Variants in FAM110B observed in about 807,000 individuals in gnomAD.
FAM110B encodes protein FAM110B.
In FAM110B, 6 loss-of-function variants were observed where a neutral mutation model predicts 20.4. The ratio of observed to expected loss-of-function variants is 0.29; its 90% CI spans 0.16 to 0.58. The LOEUF (loss-of-function observed/expected upper bound fraction) is 0.58. FAM110B is among the 20% of genes least tolerant of loss of function. The pLI, the probability that FAM110B is intolerant of heterozygous loss-of-function variation, is 0.90. For missense variants in FAM110B, 434 were observed against 498.2 expected, an observed-to-expected ratio of 0.87 and a Z score of 1.23; for synonymous variants, 226 against 214.1, an observed-to-expected ratio of 1.06 and a Z score of -0.49.
At chr8:58,033,210 T>G (rs1046558872) in intron 2 of FAM110B, among the ~76,000 whole-genome samples, 6 of 152,206 alleles carry the variant, frequency 3.9e-5, no homozygotes, top group African/African-American at 1.4e-4. Context: ...GCTGTGTCCA[T>G]GCTGCTGCAA....
Position 58,146,880 on chromosome 8 carries a change from G to T in FAM110B, c.650G>T (p.Cys217Phe). 1.2e-6 allele frequency: 2 copies of T among 1,614,114 alleles called. No homozygotes were observed. Among genetic ancestry groups the T allele is most frequent in the African/African-American group, 1.3e-5 (1 of 75,038 alleles). ...GTGAAGCCCCTCAAGGCCATCCCCT[G>T]CAGTAGCTCTGCCCCTCCCCTGCCT... ...TSVKPLKAIP[C>F]SSSAPPLPPK... Residue 217 changes from cysteine to phenylalanine, a missense_variant, in exon 4 of 4, where the codon TGC (cysteine) becomes TTC (phenylalanine). Physicochemically the swap from Cys to Phe is radical, Grantham distance 205 (BLOSUM62 -2). Coordinates refer to ENST00000519262, the MANE Select transcript of FAM110B (RefSeq NM_001377989.1).
chr8:58,071,950 G>A (rs1050826272), intron 2 of FAM110B, among the ~76,000 whole-genome samples: 3 of 152,136 alleles, frequency 2.0e-5, no homozygotes, highest in Middle Eastern at 3.2e-3. Flanking sequence ...AGCGGAGAGT[G>A]CAGTTTCAGT....
intron 3 of FAM110B, among the ~76,000 whole-genome samples, chr8:58,094,141 A>G (rs1806561154): frequency 6.6e-6 from 1 of 152,100 alleles, no homozygotes; most frequent in Non-Finnish European, 1.5e-5. Context: ...TCTTAAGGAG[A>G]TTTTGGGCTG....
chr8:58,006,923 A>T (rs74435930), intron 1 of FAM110B, among the ~76,000 whole-genome samples: 40,941 of 126,478 alleles, frequency 0.32, 7,455 homozygotes, highest in Middle Eastern at 0.48. Context: ...ATATATATAT[A>T]TTTTTCCAAA....
chr8:58,090,120 C>G (rs764948814), intron 3 of FAM110B, among the ~76,000 whole-genome samples: 17 of 152,202 alleles, frequency 1.1e-4, no homozygotes, highest in Non-Finnish European at 1.8e-4. Context: ...TTATGATGAT[C>G]CACTTCCACT....
At chr8:58,034,379 G>T (rs984899369) in intron 2 of FAM110B, among the ~76,000 whole-genome samples, 1 of 152,186 alleles carries the variant, frequency 6.6e-6, no homozygotes, top group Non-Finnish European at 1.5e-5. Flanking sequence ...GGGTCGGAAG[G>T]TCTGGCTCTG....
intron 3 of FAM110B, among the ~76,000 whole-genome samples, chr8:58,087,283 C>G (rs1806360965): frequency 6.6e-6 from 1 of 152,216 alleles, no homozygotes; most frequent in Admixed American, 6.5e-5. Context: ...ATCTAGAGCC[C>G]TGGAGAGGTC....
rs1022703375 is a variant in FAM110B, at chr8:58,148,322, G to A, written c.*979G>A. On this transcript the variant is annotated 3_prime_UTR_variant, in exon 4 of 4. Coordinates refer to ENST00000519262, the MANE Select transcript of FAM110B (RefSeq NM_001377989.1). ...CAGAAGTCAAATACCAGCCATATCA[G>A]TAGAGCCTTCCATTCAAAAGTGAAC... 2 of 166,948 alleles carry A rather than the reference G, an allele frequency of 1.2e-5. No homozygotes were observed. The highest frequency in any genetic ancestry group is 4.8e-5 in the African/African-American group (2 of 41,406). The allele number at this position is 166,948 out of a possible 1,614,324, so 10.3% of individuals were successfully genotyped here.
chr8:58,019,552 C>T (rs1268657744), intron 1 of FAM110B, among the ~76,000 whole-genome samples: 1 of 151,952 alleles, frequency 6.6e-6, no homozygotes, highest in East Asian at 1.9e-4. Context: ...TGGTGATTAA[C>T]TTTCTTAGCT....
At chr8:58,018,942 C>G (rs1200541670) in intron 1 of FAM110B, among the ~76,000 whole-genome samples, 3 of 152,160 alleles carry the variant, frequency 2.0e-5, no homozygotes, top group Non-Finnish European at 4.4e-5. Flanking sequence ...CCTTTACGCT[C>G]CTCCTGTCCT....
At chr8:58,085,465 A>T (rs1289873614) in intron 3 of FAM110B, among the ~76,000 whole-genome samples, 1 of 152,208 alleles carries the variant, frequency 6.6e-6, no homozygotes, top group Non-Finnish European at 1.5e-5. Flanking sequence ...GTGAGCCGAG[A>T]TCGCACCACT....
intron 3 of FAM110B, among the ~76,000 whole-genome samples, chr8:58,096,128 G>A (rs113476611): frequency 2.0e-5 from 3 of 152,132 alleles, no homozygotes; most frequent in Non-Finnish European, 1.5e-5. Context: ...TTGAGCCTAT[G>A]TGTGTCCTTG....
chr8:58,094,427 A>G (rs1227350305), intron 3 of FAM110B, among the ~76,000 whole-genome samples: 1 of 152,208 alleles, frequency 6.6e-6, no homozygotes, highest in Non-Finnish European at 1.5e-5. Context: ...CGTTCCACCA[A>G]TACCTACTTT....
chr8:58,071,321 A>C (rs1273889662), intron 2 of FAM110B, among the ~76,000 whole-genome samples: 1 of 152,176 alleles, frequency 6.6e-6, no homozygotes, highest in Non-Finnish European at 1.5e-5. Context: ...CTTATTCATC[A>C]AACTTAAAAA....
chr8:58,121,163 G>A (rs1359250498), intron 3 of FAM110B, among the ~76,000 whole-genome samples: 1 of 152,216 alleles, frequency 6.6e-6, no homozygotes, highest in African/African-American at 2.4e-5. Context: ...TCCAGATGCT[G>A]TGTGGCTGCT....
chr8:58,128,443 G>C (rs1319965013), intron 3 of FAM110B, among the ~76,000 whole-genome samples: 1 of 152,124 alleles, frequency 6.6e-6, no homozygotes, highest in African/African-American at 2.4e-5. Context: ...CCAGCACCCT[G>C]TGAGGCCCTG....
At chr8:58,090,307 A>G (rs1021904915) in intron 3 of FAM110B, among the ~76,000 whole-genome samples, 1 of 152,122 alleles carries the variant, frequency 6.6e-6, no homozygotes, top group African/African-American at 2.4e-5. Context: ...CTACAGGCGC[A>G]TGCCGCCACA....
intron 2 of FAM110B, among the ~76,000 whole-genome samples, chr8:58,063,598 A>C (rs1805700048): frequency 6.6e-6 from 1 of 152,224 alleles, no homozygotes; most frequent in Non-Finnish European, 1.5e-5. Context: ...TGCAGTAAGC[A>C]TATCAATTGA....
intron 3 of FAM110B, among the ~76,000 whole-genome samples, chr8:58,097,574 T>A (rs1004138671): frequency 2.0e-5 from 3 of 152,204 alleles, no homozygotes; most frequent in African/African-American, 7.2e-5. Context: ...CTCCGTCCAG[T>A]TTTGTTTCCT....
Sources: gnomAD v4.1 joint callset for allele counts (sites outside exome capture counted in the v4.1 genomes callset) on GRCh38, gnomAD v4.1.1 for gene constraint, MANE v1.5 for transcripts, NCBI Gene and HGNC (gene_info 2026-07-23, HGNC 2026-07-21) for gene names.